The following AFF2 variants were observed in gnomAD, a reference collection of about 807,000 sequenced individuals.
The protein encoded by AFF2 is AF4/FMR2 family member 2.
AFF2 carries 14 observed loss-of-function variants against 76.9 expected under a neutral mutation model. The ratio of observed to expected loss-of-function variants is 0.18; its 90% CI spans 0.12 to 0.28. The LOEUF is 0.28. Among genes scored for constraint, AFF2 ranks in the 10% least tolerant of loss-of-function variants. The pLI is 1.00. For missense variants in AFF2, 868 were observed against 1,001.1 expected, an observed-to-expected ratio of 0.87 and a Z score of 1.79; for synonymous variants, 398 against 366.7, an observed-to-expected ratio of 1.09 and a Z score of -0.98.
intron 7 of AFF2, among the ~76,000 whole-genome samples, chrX:148,846,401 C>T (rs1038546376): frequency 9.8e-5 from 11 of 111,842 alleles, no homozygotes; most frequent in African/African-American, 3.6e-4. Flanking sequence ...TTATTTTAAA[C>T]TATACAGACA....
chrX:148,972,923 C>A (rs1414351372), intron 15 of AFF2, among the ~76,000 whole-genome samples: 1 of 54,738 alleles, frequency 1.8e-5, no homozygotes, highest in Non-Finnish European at 3.4e-5. Context: ...ACGTTTAAAT[C>A]TTTAATCCAT....
chrX:148,960,392 T>TA (rs1411198829), intron 12 of AFF2, among the ~76,000 whole-genome samples: 1 of 112,628 alleles, frequency 8.9e-6, no homozygotes, highest in Non-Finnish European at 1.9e-5. Context: ...CCATGTTCCT[T>TA]ACACCAAATG....
In AFF2 at chrX:148,634,934, T is replaced by G. The variant is rs138761379; in HGVS notation, c.48-17065T>G. Among the ~76,000 whole-genome samples the G allele has an allele frequency of 1.6e-3, 177 of 111,765 alleles. 3 individuals carry two copies. In the East Asian group the frequency reaches 0.043, roughly 27 times the overall value. ...ATTTGAAAGTTTTCATAAACCATTC[T>G]CATGCATTAATTTGCCTCAGGAAGA... On this transcript the variant is annotated intron_variant, in intron 1 of 20. Transcript: ENST00000370460.
Position 148,991,228 on chromosome X carries a change from G to A in AFF2, c.3832G>A (p.Asp1278Asn). ...CTTTTCAGAATTCTTTGGTGATCTG[G>A]ACACGCTGATGGGGCCTCTGACCCA... ...RENKEFFGDL[D>N]TLMGPLTQHS... Residue 1278 changes from aspartate to asparagine, a missense_variant, in exon 21 of 21, where the codon GAC becomes AAC. Physicochemically the swap from Asp to Asn is conservative, Grantham distance 23. Around this residue, in one of 6 missense-constraint regions of AFF2, gnomAD observed 33 missense variants for 63.6 expected, o/e 0.52. Coordinates refer to ENST00000370460, the MANE Select transcript of AFF2 (RefSeq NM_002025.4). 1 of 1,205,464 alleles carries A rather than the reference G, an allele frequency of 8.3e-7. No individual in the cohort carries two copies. The highest frequency in any genetic ancestry group is 1.1e-6 in the Non-Finnish European group (1 of 891,767).
At chrX:148,964,072 C>A (rs1557288399) in intron 13 of AFF2, among the ~76,000 whole-genome samples, 1 of 111,783 alleles carries the variant, frequency 8.9e-6, no homozygotes, top group Non-Finnish European at 1.9e-5. Flanking sequence ...TGGCTTTTAT[C>A]TTTAAAGTGA....
chrX:148,886,402 C>T (rs782333830), intron 8 of AFF2, among the ~76,000 whole-genome samples: 1 of 111,755 alleles, frequency 8.9e-6, no homozygotes. Flanking sequence ...ATTCACCTTT[C>T]CCAGATGCAC....
chrX:148,843,567 T>G, intron 7 of AFF2, 134 bp downstream of exon 7: 1 of 518,609 alleles, frequency 1.9e-6, no homozygotes, highest in Non-Finnish European at 3.1e-6. Context: ...AATATGTAGT[T>G]TGGTTGGGGT....
intron 14 of AFF2, 93 bp downstream of exon 14, chrX:148,967,172 A>C: frequency 8.8e-7 from 1 of 1,140,648 alleles, no homozygotes; most frequent in South Asian, 2.0e-5. Context: ...GTGTCACCCC[A>C]AATAAGACCT....
In AFF2 at chrX:148,996,798, C is replaced by G. The variant is rs1557293272; in HGVS notation, c.*5466C>G. ...TTCCATCATCTCCTTCCATATCTCACAGGTAAAATGGGCACTCAGAAAACC... is the reference window on the plus strand; with the variant it reads ...TTCCATCATCTCCTTCCATATCTCAGAGGTAAAATGGGCACTCAGAAAACC... On this transcript the variant is annotated 3_prime_UTR_variant, in exon 21 of 21. Transcript: ENST00000370460. The G allele has an allele frequency of 8.9e-6, 1 of 111,900 alleles. No individual in the cohort carries two copies. Among genetic ancestry groups the G allele is most frequent in the African/African-American group, 3.3e-5 (1 of 30,686 alleles). 9.2% of individuals were successfully genotyped at this position (111,900 alleles called of 1,213,427 possible). A position where few individuals can be genotyped will look rare whatever the true frequency, so the allele number is the denominator to read the frequency against.
At chrX:148,592,537 A>T (rs1255810250) in intron 1 of AFF2, among the ~76,000 whole-genome samples, 1 of 111,481 alleles carries the variant, frequency 9.0e-6, no homozygotes. Context: ...TTTAATTAAG[A>T]TAAATATTTT....
chrX:148,521,373 T>C (rs868959047), intron 1 of AFF2, among the ~76,000 whole-genome samples: 46 of 56,078 alleles, frequency 8.2e-4, no homozygotes, highest in South Asian at 5.4e-3. Flanking sequence ...AGCACGTGCA[T>C]GCACACACAC....
At chrX:148,869,724 G>C (rs1442652457) in intron 7 of AFF2, among the ~76,000 whole-genome samples, 2 of 111,982 alleles carry the variant, frequency 1.8e-5, no homozygotes, top group African/African-American at 3.2e-5. Context: ...GGAATGTCCT[G>C]TCTTCCTAAC....
intron 3 of AFF2, among the ~76,000 whole-genome samples, chrX:148,781,551 T>G (rs979899322): frequency 8.9e-6 from 1 of 111,781 alleles, no homozygotes; most frequent in Admixed American, 9.4e-5. Context: ...TACTCAGTCC[T>G]CAGTAATGGC....
chrX:148,787,310 G>A lies in AFF2; in HGVS notation c.1042-22566G>A, dbSNP rs149114430. On this transcript the variant is annotated intron_variant, in intron 3 of 20. Coordinates refer to ENST00000370460, the MANE Select transcript of AFF2 (RefSeq NM_002025.4). ...TTTTGTGAGGAACAATCAACATTGC[G>A]GCTGTGTGTGTGTGTGTGTGTATGT... 2.1e-3 allele frequency among the ~76,000 whole-genome samples: 229 copies of A among 110,739 alleles called. 5 individuals are homozygous for A. In the East Asian group the frequency reaches 0.047, roughly 23 times the overall value.
In AFF2 at chrX:148,966,194, A is replaced by G. The variant is rs782174588; in HGVS notation, c.2914-596A>G. 8.9e-5 allele frequency among the ~76,000 whole-genome samples: 10 copies of G among 111,829 alleles called. No homozygotes were observed. In the South Asian group the frequency reaches 3.4e-3, roughly 38 times the overall value. ...TCACATTTCACTTAGCTAGAAACCA[A>G]TCAAGCGCCTCACATGAACAAAAGG... On this transcript the variant is annotated intron_variant, in intron 13 of 20. Coordinates refer to ENST00000370460, the MANE Select transcript of AFF2 (RefSeq NM_002025.4).
chrX:148,836,261 T>C (rs922464586), intron 4 of AFF2, among the ~76,000 whole-genome samples: 29 of 112,134 alleles, frequency 2.6e-4, no homozygotes, highest in African/African-American at 9.1e-4. Context: ...TTTTAAATAG[T>C]GCTAGGTAAA....
chrX:148,784,236 G>A (rs1241736848), intron 3 of AFF2, among the ~76,000 whole-genome samples: 1 of 112,253 alleles, frequency 8.9e-6, no homozygotes, highest in Non-Finnish European at 1.9e-5. Flanking sequence ...CAGGCTGTGA[G>A]TACCACCTGG....
chrX:148,803,857 C>G (rs192581238), intron 3 of AFF2, among the ~76,000 whole-genome samples: 1 of 110,853 alleles, frequency 9.0e-6, no homozygotes, highest in African/African-American at 3.3e-5. Flanking sequence ...CCCACTCTCC[C>G]TTATCTCTGT....
At chrX:148,958,902 G>A (rs1485573444) in intron 12 of AFF2, among the ~76,000 whole-genome samples, 1 of 109,891 alleles carries the variant, frequency 9.1e-6, no homozygotes, top group Non-Finnish European at 1.9e-5. Context: ...ACAGAACGAG[G>A]CAGCTGCTTC....
Sources: gnomAD v4.1 joint callset for allele counts (sites outside exome capture counted in the v4.1 genomes callset) on GRCh38, gnomAD v4.1.1 for gene constraint, gnomAD v4.1.1 regional missense constraint, MANE v1.5 for transcripts, NCBI Gene and HGNC (gene_info 2026-07-23, HGNC 2026-07-21) for gene names.